The following DENND1A variants were observed in gnomAD, a reference collection of about 807,000 sequenced individuals.
DENND1A encodes DENN domain containing 1A.
A neutral mutation model predicts 113.7 loss-of-function variants in DENND1A; 51 were observed. The observed-to-expected ratio is 0.45, with a 90% CI of 0.36 to 0.57. The LOEUF (loss-of-function observed/expected upper bound fraction) is 0.57. Among genes scored for constraint, DENND1A ranks in the 20% least tolerant of loss-of-function variants. The pLI is 0.00. For synonymous variants in DENND1A, 565 were observed against 570.8 expected, an observed-to-expected ratio of 0.99 and a Z score of 0.14; for missense variants, 1,258 against 1,395.9, an observed-to-expected ratio of 0.90 and a Z score of 1.57.
intron 19 of DENND1A, among the ~76,000 whole-genome samples, chr9:123,424,040 G>A (rs1266204017): frequency 1.3e-5 from 2 of 152,176 alleles, no homozygotes; most frequent in Non-Finnish European, 2.9e-5. Flanking sequence ...AGGGGGTGGA[G>A]TAAGTTACGG....
chr9:123,884,392 A>C (rs551961522), intron 1 of DENND1A, among the ~76,000 whole-genome samples: 1 of 152,326 alleles, frequency 6.6e-6, no homozygotes, highest in South Asian at 2.1e-4. Flanking sequence ...TTCCCAGAAC[A>C]CTTCATGATA....
intron 5 of DENND1A, among the ~76,000 whole-genome samples, chr9:123,715,242 T>C (rs2066897648): frequency 6.6e-6 from 1 of 152,158 alleles, no homozygotes; most frequent in Non-Finnish European, 1.5e-5. Context: ...TTTTCTGGAT[T>C]AGCAAGACAA....
intron 5 of DENND1A, among the ~76,000 whole-genome samples, chr9:123,725,909 A>C (rs2067674475): frequency 6.6e-6 from 1 of 152,234 alleles, no homozygotes; most frequent in African/African-American, 2.4e-5. Context: ...ACAGGTAAAC[A>C]ACAAACAACA....
chr9:123,780,402 T>C (rs1831128056), intron 3 of DENND1A, among the ~76,000 whole-genome samples: 1 of 152,130 alleles, frequency 6.6e-6, no homozygotes, highest in South Asian at 2.1e-4. Context: ...ATGATGGTGC[T>C]GAAAAAAATG....
intron 1 of DENND1A, among the ~76,000 whole-genome samples, chr9:123,918,491 A>G (rs1279537320): frequency 4.5e-4 from 2 of 4,468 alleles, no homozygotes; most frequent in African/African-American, 2.1e-3. Flanking sequence ...CCGTCTCAGA[A>G]AAAAAAAAAA....
chr9:123,586,670 T>C (rs984391897), intron 11 of DENND1A, among the ~76,000 whole-genome samples: 4 of 152,146 alleles, frequency 2.6e-5, no homozygotes, highest in African/African-American at 9.7e-5. Context: ...AAGGAAAGAA[T>C]TGGAGCCCAG....
chr9:123,825,528 A>G (rs1839181899), intron 2 of DENND1A, among the ~76,000 whole-genome samples: 1 of 152,242 alleles, frequency 6.6e-6, no homozygotes, highest in Non-Finnish European at 1.5e-5. Flanking sequence ...TCCTACCACC[A>G]GGACTAGCAG....
chr9:123,804,989 C>T (rs535606785), intron 2 of DENND1A, among the ~76,000 whole-genome samples: 1 of 152,266 alleles, frequency 6.6e-6, no homozygotes, highest in African/African-American at 2.4e-5. Context: ...CTCTCCTCTC[C>T]TAACTTTGTT....
chr9:123,563,204 G>A (rs1189880156), intron 12 of DENND1A, among the ~76,000 whole-genome samples: 1 of 152,144 alleles, frequency 6.6e-6, no homozygotes, highest in Non-Finnish European at 1.5e-5. Context: ...GGAACAAGGA[G>A]ACTGGTCTTA....
chr9:123,562,133 C>T (rs775999135), intron 12 of DENND1A, among the ~76,000 whole-genome samples: 5 of 152,172 alleles, frequency 3.3e-5, no homozygotes, highest in South Asian at 2.1e-4. Context: ...TCGGTGCCCC[C>T]GCCCTTCACC....
chr9:123,416,524 T>C (rs1200406729), intron 19 of DENND1A, among the ~76,000 whole-genome samples: 1 of 152,232 alleles, frequency 6.6e-6, no homozygotes, highest in Non-Finnish European at 1.5e-5. Flanking sequence ...TCATGTTATA[T>C]GTGATCCTCT....
intron 2 of DENND1A, among the ~76,000 whole-genome samples, chr9:123,835,865 T>C (rs1281342020): frequency 6.6e-6 from 1 of 152,280 alleles, no homozygotes; most frequent in South Asian, 2.1e-4. Flanking sequence ...ATGGTATATA[T>C]GCTATATAAA....
intron 9 of DENND1A, among the ~76,000 whole-genome samples, chr9:123,637,910 AAC>A (rs10539797): frequency 0.05 from 7,311 of 145,794 alleles, 509 homozygotes; most frequent in African/African-American, 0.16. Flanking sequence ...GGAAGGAATA[AAC>A]ACACACACAC....
chr9:123,470,909 G>T (rs2049361077), intron 13 of DENND1A, among the ~76,000 whole-genome samples: 1 of 152,132 alleles, frequency 6.6e-6, no homozygotes, highest in Non-Finnish European at 1.5e-5. Flanking sequence ...AAACGGGCCT[G>T]GTACACAGGA....
chr9:123,785,230 C>A (rs893095450), intron 3 of DENND1A, among the ~76,000 whole-genome samples: 6 of 151,882 alleles, frequency 4.0e-5, no homozygotes, highest in Admixed American at 1.3e-4. Flanking sequence ...CCCCGAAGTC[C>A]CAGCTACTCG....
intron 5 of DENND1A, among the ~76,000 whole-genome samples, chr9:123,704,432 C>G (rs1303157505): frequency 6.6e-6 from 1 of 152,180 alleles, no homozygotes; most frequent in Non-Finnish European, 1.5e-5. Context: ...AAGCAAATAT[C>G]TCCAGTGACA....
chr9:123,420,840 C>T (rs890676316), intron 19 of DENND1A, among the ~76,000 whole-genome samples: 15 of 113,532 alleles, frequency 1.3e-4, no homozygotes, highest in African/African-American at 2.8e-4. Context: ...TGACCCTAGC[C>T]GCTTGGGGGA....
intron 1 of DENND1A, among the ~76,000 whole-genome samples, chr9:123,904,549 G>T (rs1334486384): frequency 6.9e-6 from 1 of 145,356 alleles, no homozygotes; most frequent in South Asian, 2.2e-4. Flanking sequence ...GAAAACCAAG[G>T]CTCGAGAACT....
intron 13 of DENND1A, among the ~76,000 whole-genome samples, chr9:123,466,163 TA>T (rs2048931759): frequency 6.6e-6 from 1 of 152,096 alleles, no homozygotes; most frequent in South Asian, 2.1e-4. Context: ...CACACCCGGC[TA>T]ATTTTTGTAT....
Sources: allele counts gnomAD v4.1 joint callset (sites outside exome capture counted in the v4.1 genomes callset), GRCh38; gene constraint gnomAD v4.1.1; transcripts MANE v1.5; gene names NCBI Gene and HGNC (gene_info 2026-07-23, HGNC 2026-07-21).